The following SPPL3 variants were observed in gnomAD, a reference collection of about 807,000 sequenced individuals.
The protein encoded by SPPL3 is signal peptide peptidase-like 3.
SPPL3 carries 5 observed loss-of-function variants against 42.4 expected under a neutral mutation model. The ratio of observed to expected loss-of-function variants is 0.12; its 90% CI spans 0.06 to 0.25. The LOEUF (loss-of-function observed/expected upper bound fraction) is 0.25. SPPL3 is among the 10% of genes least tolerant of loss of function. SPPL3 has a pLI of 1.00. For missense variants in SPPL3, 235 were observed against 489.0 expected, an observed-to-expected ratio of 0.48 and a Z score of 4.90; for synonymous variants, 195 against 181.8, an observed-to-expected ratio of 1.07 and a Z score of -0.58.
intron 2 of SPPL3, among the ~76,000 whole-genome samples, chr12:120,809,110 C>A (rs1449081777): frequency 6.6e-6 from 1 of 152,202 alleles, no homozygotes; most frequent in East Asian, 1.9e-4. Flanking sequence ...CTTTGGCAGG[C>A]CAAGGCCGGT....
At chr12:120,875,733 A>T (rs915394910) in intron 1 of SPPL3, among the ~76,000 whole-genome samples, 4 of 89,130 alleles carry the variant, frequency 4.5e-5, no homozygotes, top group Non-Finnish European at 1.4e-4. Flanking sequence ...TCCAAGAAGG[A>T]AAAAAATTTT....
intron 6 of SPPL3, chr12:120,769,337 T>G: frequency 3.1e-6 from 1 of 317,834 alleles, no homozygotes; most frequent in East Asian, 6.2e-5. Flanking sequence ...AAGCTCTCTT[T>G]TCCTGCCTTC....
intron 1 of SPPL3, among the ~76,000 whole-genome samples, chr12:120,895,907 A>G (rs958185703): frequency 1.3e-5 from 2 of 152,246 alleles, no homozygotes; most frequent in Non-Finnish European, 2.9e-5. Context: ...TGAGGTGCTC[A>G]TATCTCAAGA....
intron 1 of SPPL3, among the ~76,000 whole-genome samples, chr12:120,851,873 G>A (rs1278033636): frequency 1.3e-5 from 2 of 152,088 alleles, no homozygotes; most frequent in Non-Finnish European, 2.9e-5. Context: ...CAAAGTGCTG[G>A]GATTACAGGC....
chr12:120,803,074 C>T (rs1870375442), intron 2 of SPPL3, among the ~76,000 whole-genome samples: 3 of 152,116 alleles, frequency 2.0e-5, no homozygotes, highest in Non-Finnish European at 1.5e-5. Flanking sequence ...GATCTTAAGG[C>T]CAAGAACAGT....
At chr12:120,825,136 G>A (rs1871201867) in intron 1 of SPPL3, among the ~76,000 whole-genome samples, 1 of 151,220 alleles carries the variant, frequency 6.6e-6, no homozygotes, top group South Asian at 2.1e-4. Flanking sequence ...AAAAAAAAAG[G>A]ACAGATCCAA....
intron 1 of SPPL3, among the ~76,000 whole-genome samples, chr12:120,842,597 T>A (rs1871868516): frequency 6.6e-6 from 1 of 152,054 alleles, no homozygotes; most frequent in African/African-American, 2.4e-5. Flanking sequence ...TGCCAGTAGA[T>A]TCTGTCTGGT....
At chr12:120,857,053 T>G (rs1489815117) in intron 1 of SPPL3, among the ~76,000 whole-genome samples, 1 of 152,024 alleles carries the variant, frequency 6.6e-6, no homozygotes, top group Non-Finnish European at 1.5e-5. Context: ...GGGAACAGAA[T>G]CCAGCAGAAC....
chr12:120,890,391 C>T (rs987564896), intron 1 of SPPL3, among the ~76,000 whole-genome samples: 13 of 151,976 alleles, frequency 8.6e-5, no homozygotes, highest in African/African-American at 2.9e-4. Context: ...AGATCGAAAC[C>T]ATCCTGGCCA....
At chr12:120,895,054 G>A (rs1383337819) in intron 1 of SPPL3, among the ~76,000 whole-genome samples, 1 of 152,198 alleles carries the variant, frequency 6.6e-6, no homozygotes, top group Non-Finnish European at 1.5e-5. Flanking sequence ...AGGGAAAGAT[G>A]AGGATCATCC....
intron 1 of SPPL3, among the ~76,000 whole-genome samples, chr12:120,880,481 A>G (rs908295497): frequency 1.3e-5 from 2 of 152,058 alleles, no homozygotes; most frequent in African/African-American, 4.8e-5. Context: ...GACAACCTAC[A>G]TAATGGGAGA....
intron 2 of SPPL3, among the ~76,000 whole-genome samples, chr12:120,801,452 G>A (rs1870293932): frequency 6.7e-6 from 1 of 149,970 alleles, no homozygotes; most frequent in Non-Finnish European, 1.5e-5. Flanking sequence ...CTTATATTTT[G>A]TAAGACTTTT....
intron 1 of SPPL3, among the ~76,000 whole-genome samples, chr12:120,848,540 C>A (rs1351489674): frequency 1.3e-5 from 2 of 152,182 alleles, no homozygotes; most frequent in Non-Finnish European, 2.9e-5. Flanking sequence ...GCCCCCGCCA[C>A]ACCCCAGAAA....
In SPPL3 at chr12:120,783,693, G is replaced by T; in HGVS notation, c.370C>A (p.Pro124Thr). ...CCTTACTTGTTCTGAGGTGAGCAGG[G>T]TCTTGTTAAATACTGGCACATCGGG... Reference protein sequence around the residue: ...LLPMCQYLTRPCSPQNKISFG... With the variant: ...LLPMCQYLTRTCSPQNKISFG... Residue 124 changes from proline (P) to threonine (T), a missense_variant, in exon 5 of 11, where the codon CCC becomes ACC. By Grantham distance (38) the Pro-to-Thr change is conservative. Around this residue, in one of 6 missense-constraint regions of SPPL3, gnomAD observed 110 missense variants for 186.2 expected, o/e 0.59. Transcript: ENST00000353487. 6.2e-7 allele frequency: 1 copy of T among 1,613,490 alleles called. No homozygotes were observed. Among genetic ancestry groups the T allele is most frequent in the Non-Finnish European group, 8.5e-7 (1 of 1,179,662 alleles).
rs763365263 is a variant in SPPL3 at position 120,763,306 on chromosome 12, C to T, written c.*1693G>A. On this transcript the variant is annotated 3_prime_UTR_variant, in exon 11 of 11. Coordinates refer to ENST00000353487, the MANE Select transcript of SPPL3 (RefSeq NM_139015.5). ...GAATTGATGACAACAACAGAGGAAT[C>T]CAACACCCTGACTGCTTCAGACTCT... is the stretch of plus-strand genomic sequence containing the variant. 2.6e-5 allele frequency: 4 copies of T among 152,660 alleles called. No individual in the cohort carries two copies. The highest frequency in any genetic ancestry group is 5.9e-5 in the Non-Finnish European group (4 of 68,078). 9.5% of individuals were successfully genotyped at this position (152,660 alleles called of 1,614,324 possible). A position where few individuals can be genotyped will look rare whatever the true frequency, so the allele number is the denominator to read the frequency against.
At chr12:120,849,169 C>T (rs1345874664) in intron 1 of SPPL3, among the ~76,000 whole-genome samples, 1 of 139,370 alleles carries the variant, frequency 7.2e-6, no homozygotes, top group African/African-American at 2.5e-5. Flanking sequence ...CCCTCTAAAA[C>T]CAGAGGAAGA....
intron 1 of SPPL3, among the ~76,000 whole-genome samples, chr12:120,827,335 AATAATAATAATAATAATAAT>A (rs955768477): frequency 4.4e-4 from 8 of 18,280 alleles, no homozygotes; most frequent in African/African-American, 1.5e-3. Flanking sequence ...GAACAATAAT[AATAATAATAATAATAATAAT>A]ATAATAATAT....
intron 1 of SPPL3, among the ~76,000 whole-genome samples, chr12:120,888,198 C>G (rs1335214878): frequency 6.6e-6 from 1 of 152,150 alleles, no homozygotes; most frequent in South Asian, 2.1e-4. Flanking sequence ...ACCTCAGCCT[C>G]CTGAGTAGCT....
At chr12:120,810,433 T>A (rs1870646879) in intron 2 of SPPL3, among the ~76,000 whole-genome samples, 1 of 152,224 alleles carries the variant, frequency 6.6e-6, no homozygotes, top group African/African-American at 2.4e-5. Flanking sequence ...ACATGGATAT[T>A]TAGTAGTTTT....
Sources: allele counts gnomAD v4.1 joint callset (sites outside exome capture counted in the v4.1 genomes callset), GRCh38; gene constraint gnomAD v4.1.1; regional missense constraint gnomAD v4.1.1; transcripts MANE v1.5; gene names NCBI Gene and HGNC (gene_info 2026-07-23, HGNC 2026-07-21).